TMEM181: variants seen among roughly 807,000 people sequenced by gnomAD.
TMEM181 encodes the protein transmembrane protein 181.
TMEM181 carries 39 observed loss-of-function variants against 71.9 expected under a neutral mutation model. The ratio of observed to expected loss-of-function variants is 0.54; its 90% CI spans 0.42 to 0.71. TMEM181 has a LOEUF of 0.71. Among genes scored for constraint, TMEM181 ranks in the 30% least tolerant of loss-of-function variants. TMEM181 has a pLI of 0.00. For synonymous variants in TMEM181, 245 were observed against 228.8 expected, an observed-to-expected ratio of 1.07 and a Z score of -0.64; for missense variants, 595 against 583.0, an observed-to-expected ratio of 1.02 and a Z score of -0.21.
intron 9 of TMEM181, 88 bp downstream of exon 9, chr6:158,608,551 T>C (rs1279254761): frequency 1.9e-6 from 3 of 1,607,304 alleles, no homozygotes; most frequent in African/African-American, 1.3e-5. Flanking sequence ...AAGGTGAATT[T>C]ATCCATGGAA....
At chr6:158,538,038 C>T (rs1380950856) in intron 1 of TMEM181, among the ~76,000 whole-genome samples, 2 of 152,064 alleles carry the variant, frequency 1.3e-5, no homozygotes, top group African/African-American at 4.8e-5. Context: ...TCCTGGAAGA[C>T]CTGAGGGTAT....
At chr6:158,595,879 G>A (rs576245965) in intron 6 of TMEM181, among the ~76,000 whole-genome samples, 11 of 152,136 alleles carry the variant, frequency 7.2e-5, no homozygotes, top group South Asian at 4.2e-4. Context: ...AATTTGTGAC[G>A]TTCATTGAAC....
At chr6:158,586,477 G>A (rs1783779626) in intron 5 of TMEM181, among the ~76,000 whole-genome samples, 1 of 152,226 alleles carries the variant, frequency 6.6e-6, no homozygotes, top group Non-Finnish European at 1.5e-5. Flanking sequence ...CTATTTTGTA[G>A]AAGAAGAAAC....
At chr6:158,541,388 G>C (rs1451677793) in intron 1 of TMEM181, among the ~76,000 whole-genome samples, 1 of 152,078 alleles carries the variant, frequency 6.6e-6, no homozygotes, top group Non-Finnish European at 1.5e-5. Flanking sequence ...TTGCACTCCA[G>C]CCTGGGCGAC....
intron 1 of TMEM181, among the ~76,000 whole-genome samples, chr6:158,550,693 G>T (rs1781692050): frequency 1.3e-5 from 2 of 151,872 alleles, no homozygotes; most frequent in Non-Finnish European, 2.9e-5. Context: ...CATTTTACAG[G>T]TCTTAGGAAC....
intron 2 of TMEM181, among the ~76,000 whole-genome samples, chr6:158,579,279 G>A (rs1440227789): frequency 2.2e-5 from 3 of 134,008 alleles, no homozygotes; most frequent in African/African-American, 8.4e-5. Context: ...AAAAAAAAAA[G>A]CAGGGTCTTG....
intron 1 of TMEM181, among the ~76,000 whole-genome samples, chr6:158,570,207 C>T (rs1424966734): frequency 6.6e-6 from 1 of 150,742 alleles, no homozygotes; most frequent in Non-Finnish European, 1.5e-5. Flanking sequence ...AGCAGAGGGC[C>T]AGAGATAGCA....
intron 6 of TMEM181, among the ~76,000 whole-genome samples, chr6:158,595,843 C>T (rs1473862803): frequency 6.6e-6 from 1 of 152,128 alleles, no homozygotes; most frequent in Non-Finnish European, 1.5e-5. Context: ...GTGTCTTGGT[C>T]AGGTACTGTT....
chr6:158,560,979 G>T (rs1302745397), intron 1 of TMEM181, among the ~76,000 whole-genome samples: 3 of 152,164 alleles, frequency 2.0e-5, no homozygotes, highest in African/African-American at 7.2e-5. Flanking sequence ...TAACCAGAGG[G>T]TTAGCGCCGC....
At chr6:158,619,045 A>C (rs1220567042) in intron 10 of TMEM181, among the ~76,000 whole-genome samples, 1 of 152,172 alleles carries the variant, frequency 6.6e-6, no homozygotes, top group African/African-American at 2.4e-5. Flanking sequence ...CTGCCTTGCT[A>C]GGTTGGGGAA....
At chr6:158,588,415 T>G (rs1277507467) in intron 5 of TMEM181, among the ~76,000 whole-genome samples, 1 of 152,192 alleles carries the variant, frequency 6.6e-6, no homozygotes, top group Non-Finnish European at 1.5e-5. Flanking sequence ...CTTGTCCGCC[T>G]CCCTGACAGT....
rs73797066 is a variant in TMEM181 at position 158,628,857 on chromosome 6, G to A, written c.1192+367G>A. ...AGGTGCGGTTGCCTCTCCACACCGC[G>A]GGGCTCCAAGCCCCTACTGCCCTCC... On this transcript the variant is annotated intron_variant, in intron 14 of 16. Transcript: ENST00000684151. Among the ~76,000 whole-genome samples the A allele has an allele frequency of 8.1e-3, 1,240 of 152,314 alleles. 14 individuals carry two copies. The highest frequency in any genetic ancestry group is 0.052 in the East Asian group (270 of 5,184).
intron 1 of TMEM181, among the ~76,000 whole-genome samples, chr6:158,554,451 C>T (rs577535499): frequency 1.0e-3 from 155 of 151,704 alleles, no homozygotes; most frequent in African/African-American, 3.4e-3. Flanking sequence ...AACTCCTGAC[C>T]GCAGGTGATC....
intron 10 of TMEM181, among the ~76,000 whole-genome samples, chr6:158,614,717 A>G (rs771590089): frequency 6.8e-4 from 104 of 152,050 alleles, no homozygotes; most frequent in Non-Finnish European, 1.2e-3. Context: ...TTTCCCACCT[A>G]TGAGTGAGAG....
chr6:158,607,294 C>T lies in TMEM181; in HGVS notation c.624C>T (p.Ile208=), dbSNP rs913777599. ...AATTTTCCATGAGAGACTGGGGCAT[C>T]GAGCAGAAGTGGATGTCTGTTCTCC... ...LRKFSMRDWG[I]EQKWMSVLLP... Residue 208 remains isoleucine, a synonymous_variant, in exon 8 of 17, where the codon ATC becomes ATT. Transcript: ENST00000684151. The T allele has an allele frequency of 8.7e-6, 14 of 1,614,070 alleles. No homozygotes were observed. The highest frequency in any genetic ancestry group is 6.7e-5 in the East Asian group (3 of 44,898).
chr6:158,570,758 C>T (rs1432463320), intron 1 of TMEM181, among the ~76,000 whole-genome samples: 1 of 152,090 alleles, frequency 6.6e-6, no homozygotes, highest in African/African-American at 2.4e-5. Flanking sequence ...AAAATGAAGA[C>T]GTTGACCTTG....
upstream of TMEM181, among the ~76,000 whole-genome samples, chr6:158,557,588 G>A (rs1781947056): frequency 6.6e-6 from 1 of 151,904 alleles, no homozygotes; most frequent in Non-Finnish European, 1.5e-5. Context: ...CGTGATCTTG[G>A]CTCACTGCAA....
intron 1 of TMEM181, among the ~76,000 whole-genome samples, chr6:158,543,077 G>C (rs1036176746): frequency 6.6e-6 from 1 of 151,664 alleles, no homozygotes; most frequent in East Asian, 1.9e-4. Context: ...AGGTTTTACC[G>C]TGTTAGCCAG....
At chr6:158,613,475 A>G (rs528047796) in intron 10 of TMEM181, among the ~76,000 whole-genome samples, 2 of 152,294 alleles carry the variant, frequency 1.3e-5, no homozygotes, top group South Asian at 4.1e-4. Flanking sequence ...TTAAATACCT[A>G]TGAGTTGGGT....
Sources: gnomAD v4.1 joint callset for allele counts (sites outside exome capture counted in the v4.1 genomes callset) on GRCh38, gnomAD v4.1.1 for gene constraint, MANE v1.5 for transcripts, NCBI Gene and HGNC (gene_info 2026-07-23, HGNC 2026-07-21) for gene names.